Variants in IRF2 observed in about 807,000 individuals in gnomAD.
The protein encoded by IRF2 is interferon regulatory factor 2.
Under a neutral mutation model 40.6 loss-of-function variants are expected in IRF2, and 15 were observed. The observed-to-expected ratio is 0.37, with a 90% CI of 0.25 to 0.57. The LOEUF (loss-of-function observed/expected upper bound fraction) is 0.57. IRF2 is among the 20% of genes least tolerant of loss of function. The pLI is 0.77. For missense variants in IRF2, 317 were observed against 455.7 expected (o/e 0.70, Z 2.77); for synonymous variants, 151 against 165.5 (o/e 0.91, Z 0.67).
chr4:184,408,343 C>G lies in IRF2; in HGVS notation c.412-68G>C, dbSNP rs1259530094. On this transcript the variant is annotated intron_variant, in intron 5 of 8. Transcript: ENST00000393593. The surrounding 1 kb of genome is among the most constrained non-coding windows in gnomAD (Gnocchi z 4.9). ...CCCCTCCCTTCTCTTAGCTGAAATT[C>G]TACCCTCTGCCTACTTTCTTTAATG... 12 of 956,536 alleles carry G rather than the reference C, an allele frequency of 1.3e-5. No homozygotes were observed. The highest frequency in any genetic ancestry group is 2.0e-5 in the Non-Finnish European group (12 of 589,956). 59.3% of individuals were successfully genotyped at this position (956,536 alleles called of 1,614,324 possible). A position where few individuals can be genotyped will look rare whatever the true frequency, so the allele number is the denominator to read the frequency against.
chr4:184,392,542 T>A (rs1736296133), intron 7 of IRF2, among the ~76,000 whole-genome samples: 1 of 152,190 alleles, frequency 6.6e-6, no homozygotes, highest in South Asian at 2.1e-4. Context: ...TCCAGTGCCT[T>A]CCAGCTTTCC....
chr4:184,466,350 CA>C (rs1739321308), intron 1 of IRF2, among the ~76,000 whole-genome samples: 1 of 152,188 alleles, frequency 6.6e-6, no homozygotes, highest in Non-Finnish European at 1.5e-5. Flanking sequence ...CGCGCACGGC[CA>C]ATCCCATCTG....
chr4:184,441,653 G>C (rs1738315660), intron 1 of IRF2, among the ~76,000 whole-genome samples: 3 of 152,202 alleles, frequency 2.0e-5, no homozygotes, highest in African/African-American at 2.4e-5. Flanking sequence ...CCAGCAGGGA[G>C]TGTCCCACTT....
At chr4:184,445,816 G>C (rs2149910932) in intron 1 of IRF2, among the ~76,000 whole-genome samples, 1 of 152,248 alleles carries the variant, frequency 6.6e-6, no homozygotes, top group East Asian at 1.9e-4. Context: ...GATGTACTGG[G>C]TTGAACAGTG....
At chr4:184,443,449 T>C (rs1173126322) in intron 1 of IRF2, among the ~76,000 whole-genome samples, 1 of 152,194 alleles carries the variant, frequency 6.6e-6, no homozygotes, top group Non-Finnish European at 1.5e-5. Context: ...CTCCGTCTTA[T>C]AAGTGAGAAC....
At chr4:184,392,356 G>A (rs924466606) in intron 7 of IRF2, among the ~76,000 whole-genome samples, 3 of 152,194 alleles carry the variant, frequency 2.0e-5, no homozygotes, top group East Asian at 1.9e-4. Context: ...TTTAGGTGAC[G>A]TATATTTCAC....
chr4:184,465,307 C>T (rs1473053968), intron 1 of IRF2, among the ~76,000 whole-genome samples: 1 of 152,206 alleles, frequency 6.6e-6, no homozygotes, highest in Non-Finnish European at 1.5e-5. Context: ...AGAATGGCCC[C>T]GTCCATGCAC....
intron 7 of IRF2, among the ~76,000 whole-genome samples, chr4:184,393,284 A>G (rs1736324156): frequency 6.6e-6 from 1 of 152,246 alleles, no homozygotes; most frequent in Non-Finnish European, 1.5e-5. Flanking sequence ...ACAACATTTC[A>G]AGATCCGCTT....
intron 1 of IRF2, among the ~76,000 whole-genome samples, chr4:184,461,919 C>A (rs1739162534): frequency 6.6e-6 from 1 of 152,150 alleles, no homozygotes; most frequent in Admixed American, 6.5e-5. Context: ...CAAGTTTCCA[C>A]CCGCCTACAA....
intron 1 of IRF2, among the ~76,000 whole-genome samples, chr4:184,430,330 C>G (rs1222208007): frequency 8.0e-6 from 1 of 125,210 alleles, no homozygotes; most frequent in Non-Finnish European, 1.9e-5. Flanking sequence ...TCTGGCCCAG[C>G]CTTTTCCTTG....
chr4:184,413,748 G>T lies in IRF2; in HGVS notation c.411+4419C>A, dbSNP rs1288960374. Among the ~76,000 whole-genome samples the T allele has an allele frequency of 6.6e-6, 1 of 152,214 alleles. No homozygotes were observed. Among genetic ancestry groups the T allele is most frequent in the Admixed American group, 6.5e-5 (1 of 15,284 alleles). ...CACTTTGATCCGGAAGCACTTTACA[G>T]TTTCAAGCATGTATGTTTCAGCTGC... On this transcript the variant is annotated intron_variant, in intron 5 of 8. Transcript: ENST00000393593. The surrounding 1 kb of genome is among the most constrained non-coding windows in gnomAD (Gnocchi z 4.2).
At chr4:184,422,621 C>A (rs765076348) in intron 2 of IRF2, among the ~76,000 whole-genome samples, 3 of 152,212 alleles carry the variant, frequency 2.0e-5, no homozygotes, top group Admixed American at 6.5e-5. Flanking sequence ...AGTATTGACA[C>A]ATGCTACCAT....
At chr4:184,416,924 T>C (rs1306104674) in intron 5 of IRF2, among the ~76,000 whole-genome samples, 1 of 152,096 alleles carries the variant, frequency 6.6e-6, no homozygotes, top group African/African-American at 2.4e-5. Context: ...CACGTGTTTG[T>C]AGTCTCAGCT....
intron 5 of IRF2, among the ~76,000 whole-genome samples, chr4:184,416,889 T>C (rs1032200913): frequency 1.3e-5 from 2 of 151,894 alleles, no homozygotes; most frequent in Non-Finnish European, 2.9e-5. Flanking sequence ...CTACTAAAAA[T>C]ACAAAAATTA....
rs1267872646 is a variant in IRF2, at chr4:184,387,918, C to T, written c.*840G>A. The T allele has an allele frequency of 6.6e-6, 1 of 151,996 alleles. No homozygotes were observed. The highest frequency in any genetic ancestry group is 1.5e-5 in the Non-Finnish European group (1 of 67,914). The allele number at this position is 151,996 out of a possible 1,614,324, so 9.4% of individuals were successfully genotyped here. On this transcript the variant is annotated 3_prime_UTR_variant, in exon 9 of 9. Transcript: ENST00000393593. Reference sequence around the variant, plus strand: ...AATTTGCTGTAGAAAAGATAAAAAACAATTATATTTTATTTAGAATTTTAC... The same window carrying T: ...AATTTGCTGTAGAAAAGATAAAAAATAATTATATTTTATTTAGAATTTTAC...
intron 2 of IRF2, 140 bp from the exon 3 acceptor site, chr4:184,419,708 A>G: frequency 1.6e-6 from 1 of 627,508 alleles, no homozygotes; most frequent in South Asian, 2.0e-5. Context: ...AAGAAAATCT[A>G]CTGTAAACCA....
At chr4:184,473,093 G>A (rs1419187853) in intron 1 of IRF2, among the ~76,000 whole-genome samples, 1 of 152,048 alleles carries the variant, frequency 6.6e-6, no homozygotes, top group Non-Finnish European at 1.5e-5. Flanking sequence ...GATTGGCCGC[G>A]GCCGGCTTCA....
chr4:184,467,117 A>G (rs753597865), intron 1 of IRF2, among the ~76,000 whole-genome samples: 1 of 152,154 alleles, frequency 6.6e-6, no homozygotes, highest in Non-Finnish European at 1.5e-5. Context: ...CAGTTTTCCC[A>G]TCAGCCTTTC....
Position 184,413,672 on chromosome 4 carries a change from T to C in IRF2, c.411+4495A>G, listed in dbSNP as rs183056927. On this transcript the variant is annotated intron_variant, in intron 5 of 8. Transcript: ENST00000393593. The surrounding 1 kb of genome is among the most constrained non-coding windows in gnomAD (Gnocchi z 4.2). ...CGAATACAGACCAGGCCTAATCTTTTCCAAGCGACTTTGGCAGCCCTTCCC... is the reference window on the plus strand; with the variant it reads ...CGAATACAGACCAGGCCTAATCTTTCCCAAGCGACTTTGGCAGCCCTTCCC... Among the ~76,000 whole-genome samples, 1 of 152,344 alleles carries C rather than the reference T, an allele frequency of 6.6e-6. No homozygotes were observed. The highest frequency in any genetic ancestry group is 1.9e-4 in the East Asian group (1 of 5,190).
Sources: allele counts gnomAD v4.1 joint callset (sites outside exome capture counted in the v4.1 genomes callset), GRCh38; gene constraint gnomAD v4.1.1; non-coding constraint Gnocchi (gnomAD v3.1); transcripts MANE v1.5; gene names NCBI Gene and HGNC (gene_info 2026-07-23, HGNC 2026-07-21).